The following SEMA6D variants were observed in gnomAD, a reference collection of about 807,000 sequenced individuals.
SEMA6D encodes semaphorin 6D.
SEMA6D carries 35 observed loss-of-function variants against 106.6 expected under a neutral mutation model. That is an observed-to-expected ratio of 0.33 (90% CI 0.25 to 0.44). The LOEUF is 0.44. Ranked by LOEUF, SEMA6D falls within the 20% of genes least tolerant of loss-of-function variation. SEMA6D has a pLI of 1.00. For synonymous variants in SEMA6D, 499 were observed against 487.7 expected (o/e 1.02, Z -0.31); for missense variants, 1,185 against 1,345.9 (o/e 0.88, Z 1.87).
intron 1 of SEMA6D, among the ~76,000 whole-genome samples, chr15:47,351,946 G>A (rs921817705): frequency 2.0e-5 from 3 of 152,194 alleles, no homozygotes; most frequent in Non-Finnish European, 4.4e-5. Flanking sequence ...TGTTCTAAGA[G>A]AATAAAATTA....
intron 1 of SEMA6D, among the ~76,000 whole-genome samples, chr15:47,288,188 A>G (rs893591452): frequency 8.5e-5 from 13 of 152,178 alleles, no homozygotes; most frequent in African/African-American, 3.1e-4. Context: ...TTCAGACTAT[A>G]TTAACAAGTC....
At chr15:47,189,142 C>G (rs1249618417) in intron 1 of SEMA6D, among the ~76,000 whole-genome samples, 1 of 152,024 alleles carries the variant, frequency 6.6e-6, no homozygotes, top group Non-Finnish European at 1.5e-5. Context: ...AACTCCCATA[C>G]ACTTCTCTTT....
chr15:47,291,879 T>A (rs2035606401), intron 1 of SEMA6D, among the ~76,000 whole-genome samples: 1 of 152,224 alleles, frequency 6.6e-6, no homozygotes. Flanking sequence ...TGTCTCTCTC[T>A]CTCAAGTCAG....
chr15:47,772,355 T>TG lies in SEMA6D; in HGVS notation c.*571dup, dbSNP rs1243481612. The TG allele has an allele frequency of 7.8e-6, 1 of 128,272 alleles. No individual in the cohort carries two copies. Among genetic ancestry groups the TG allele is most frequent in the Non-Finnish European group, 1.6e-5 (1 of 61,692 alleles). The allele number at this position is 128,272 out of a possible 1,614,324, so 7.9% of individuals were successfully genotyped here. A position where few individuals can be genotyped will look rare whatever the true frequency, so the allele number is the denominator to read the frequency against. Reference sequence around the variant, plus strand: ...GCCACCAACAAACTTGTTGTGTGTGTGCGTGTGTGTGTGTGTGTGTGTGTG... The same window carrying TG: ...GCCACCAACAAACTTGTTGTGTGTGTGGCGTGTGTGTGTGTGTGTGTGTGTG... On this transcript the variant is annotated 3_prime_UTR_variant, in exon 19 of 19. Transcript: ENST00000536845.
intron 1 of SEMA6D, among the ~76,000 whole-genome samples, chr15:47,322,575 C>G (rs2036966753): frequency 6.6e-6 from 1 of 152,106 alleles, no homozygotes; most frequent in South Asian, 2.1e-4. Context: ...TACATGATGG[C>G]TATACATATG....
At chr15:47,396,888 A>G (rs1036503594) in intron 1 of SEMA6D, among the ~76,000 whole-genome samples, 4 of 152,338 alleles carry the variant, frequency 2.6e-5, no homozygotes, top group South Asian at 2.1e-4. Flanking sequence ...TATTAAAGGT[A>G]CTAAAATATC....
Position 47,686,081 on chromosome 15 carries a change from T to C in SEMA6D, c.-54-73664T>C, listed in dbSNP as rs149393757. On this transcript the variant is annotated intron_variant, in intron 4 of 19. Coordinates refer to the SEMA6D transcript ENST00000558014. ...AAAAATGAGTAGTACTCTCAGCTAC[T>C]ATCCAGGTGGAAAAAAATGGATGAT... Among the ~76,000 whole-genome samples, 9 of 152,296 alleles carry C rather than the reference T, an allele frequency of 5.9e-5. No individual in the cohort carries two copies. In the East Asian group the frequency reaches 9.7e-4, roughly 16 times the overall value.
At chr15:47,411,561 G>A (rs535806852) in intron 1 of SEMA6D, among the ~76,000 whole-genome samples, 7 of 152,118 alleles carry the variant, frequency 4.6e-5, no homozygotes, top group East Asian at 1.9e-4. Context: ...CTCATATACC[G>A]GTAGAACAAA....
At chr15:47,670,230 C>T (rs745993793) in intron 4 of SEMA6D, among the ~76,000 whole-genome samples, 4 of 152,164 alleles carry the variant, frequency 2.6e-5, no homozygotes, top group Non-Finnish European at 4.4e-5. Flanking sequence ...CTTTGTGTTC[C>T]ATTGTGAACA....
At chr15:47,584,720 G>A (rs80078511) in intron 3 of SEMA6D, among the ~76,000 whole-genome samples, 2 of 152,072 alleles carry the variant, frequency 1.3e-5, no homozygotes, top group Non-Finnish European at 2.9e-5. Context: ...TAAACCTCTG[G>A]GGCCTCTCTA....
intron 1 of SEMA6D, among the ~76,000 whole-genome samples, chr15:47,242,265 C>T (rs553388207): frequency 3.9e-5 from 6 of 152,158 alleles, no homozygotes; most frequent in African/African-American, 1.4e-4. Context: ...GCAAAAATCA[C>T]TATTACTTTT....
chr15:47,648,241 T>G lies in SEMA6D; in HGVS notation c.-55+47345T>G, dbSNP rs554320898. Among the ~76,000 whole-genome samples, 6 of 152,282 alleles carry G rather than the reference T, an allele frequency of 3.9e-5. No homozygotes were observed. The South Asian group carries it at 1.2e-3, about 32-fold the overall frequency. On this transcript the variant is annotated intron_variant, in intron 4 of 19. Coordinates refer to the SEMA6D transcript ENST00000558014. ...CACTGTCTGTGTGGAGTTGGCACAT[T>G]CTCTCCATGTCTGCATGGGCTTCCT...
intron 1 of SEMA6D, among the ~76,000 whole-genome samples, chr15:47,353,637 A>G (rs1390422645): frequency 1.3e-5 from 2 of 152,166 alleles, no homozygotes; most frequent in Non-Finnish European, 2.9e-5. Context: ...TTAAATTTTA[A>G]TATCTGATCT....
chr15:47,471,388 C>A (rs775974309), intron 3 of SEMA6D, among the ~76,000 whole-genome samples: 14 of 152,170 alleles, frequency 9.2e-5, no homozygotes, highest in South Asian at 2.1e-4. Context: ...CTTTCTGATT[C>A]AGGATTCACC....
intron 3 of SEMA6D, among the ~76,000 whole-genome samples, chr15:47,519,930 T>A (rs2044516428): frequency 1.3e-5 from 2 of 152,244 alleles, no homozygotes; most frequent in South Asian, 4.1e-4. Flanking sequence ...CATGCCTTGC[T>A]TGGTGCTAGG....
intron 3 of SEMA6D, among the ~76,000 whole-genome samples, chr15:47,547,958 C>T (rs1238496299): frequency 6.6e-6 from 1 of 152,166 alleles, no homozygotes; most frequent in Non-Finnish European, 1.5e-5. Flanking sequence ...GAATTTCCCA[C>T]CTCTAAAATG....
At chr15:47,326,495 A>G (rs2037134245) in intron 1 of SEMA6D, among the ~76,000 whole-genome samples, 1 of 152,236 alleles carries the variant, frequency 6.6e-6, no homozygotes, top group African/African-American at 2.4e-5. Context: ...TGTGAAGCAC[A>G]TCTTTCTCTT....
chr15:47,486,970 A>G (rs945324939), intron 3 of SEMA6D, among the ~76,000 whole-genome samples: 2 of 152,224 alleles, frequency 1.3e-5, no homozygotes, highest in Admixed American at 1.3e-4. Flanking sequence ...TTGGGCAACT[A>G]CTGTGTAACA....
chr15:47,506,861 C>T (rs2044059135), intron 3 of SEMA6D, among the ~76,000 whole-genome samples: 2 of 152,084 alleles, frequency 1.3e-5, no homozygotes, highest in African/African-American at 2.4e-5. Context: ...CACTTTAGAT[C>T]CAGACAGCGA....
Sources: allele counts gnomAD v4.1 joint callset (sites outside exome capture counted in the v4.1 genomes callset), GRCh38; gene constraint gnomAD v4.1.1; transcripts MANE v1.5; gene names NCBI Gene and HGNC (gene_info 2026-07-23, HGNC 2026-07-21).